The following EBF2 variants were observed in gnomAD, a reference collection of about 807,000 sequenced individuals.
The protein encoded by EBF2 is transcription factor COE2.
In EBF2, 21 loss-of-function variants were observed where a neutral mutation model predicts 72.8. The observed-to-expected ratio is 0.29, with a 90% CI of 0.20 to 0.42. The LOEUF is 0.42. Among genes scored for constraint, EBF2 ranks in the 10% least tolerant of loss-of-function variants. EBF2 has a pLI of 1.00. For missense variants in EBF2, 637 were observed against 731.2 expected (o/e 0.87, Z 1.49); for synonymous variants, 299 against 274.2 (o/e 1.09, Z -0.89).
chr8:26,011,257 T>C (rs1334963100), intron 6 of EBF2, among the ~76,000 whole-genome samples: 1 of 152,240 alleles, frequency 6.6e-6, no homozygotes, highest in Non-Finnish European at 1.5e-5. Context: ...TCATACATGA[T>C]ACGATTTCTT....
At chr8:25,942,801 A>G (rs1024471385) in intron 6 of EBF2, among the ~76,000 whole-genome samples, 3 of 152,152 alleles carry the variant, frequency 2.0e-5, no homozygotes, top group Non-Finnish European at 2.9e-5. Context: ...CTCCCCAGCT[A>G]GGGCCTCCTC....
At chr8:25,855,486 G>A (rs937241776) in intron 14 of EBF2, among the ~76,000 whole-genome samples, 2 of 152,294 alleles carry the variant, frequency 1.3e-5, no homozygotes, top group African/African-American at 4.8e-5. Flanking sequence ...TGGCTGTCAT[G>A]CAAGTCAAAC....
chr8:25,852,888 CTTTT>C (rs886869883), intron 14 of EBF2, among the ~76,000 whole-genome samples: 11 of 151,130 alleles, frequency 7.3e-5, no homozygotes, highest in East Asian at 3.9e-4. Context: ...TGTTTAAAAA[CTTTT>C]TTTAAGTAGT....
At position 25,842,832 on chromosome 8, in the gene EBF2, C is replaced by T. The variant is rs1801763608; in HGVS notation, c.*1777G>A. 1 of 152,144 alleles carries T rather than the reference C, an allele frequency of 6.6e-6. No homozygotes were observed. Among genetic ancestry groups the T allele is most frequent in the Non-Finnish European group, 1.5e-5 (1 of 68,030 alleles). 9.4% of individuals were successfully genotyped at this position (152,144 alleles called of 1,614,324 possible). A position where few individuals can be genotyped will look rare whatever the true frequency, so the allele number is the denominator to read the frequency against. ...AGAAGGTATGCAGAATTAATGAAAT[C>T]ATCTAAAATTGGCTCAGATGCACTC... On this transcript the variant is annotated 3_prime_UTR_variant, in exon 16 of 16. Transcript: ENST00000520164.
intron 6 of EBF2, among the ~76,000 whole-genome samples, chr8:25,931,276 C>A (rs1803475416): frequency 6.6e-6 from 1 of 152,168 alleles, no homozygotes; most frequent in African/African-American, 2.4e-5. Flanking sequence ...TGGGAACAGA[C>A]TCAGTCTGCC....
intron 5 of EBF2, among the ~76,000 whole-genome samples, chr8:26,037,947 A>G (rs192802778): frequency 2.6e-5 from 4 of 152,378 alleles, no homozygotes; most frequent in East Asian, 3.9e-4. Flanking sequence ...GTGCCCAGGT[A>G]TGCCAAATAA....
chr8:26,010,566 G>A (rs185490621), intron 6 of EBF2, among the ~76,000 whole-genome samples: 7 of 152,262 alleles, frequency 4.6e-5, no homozygotes, highest in Non-Finnish European at 7.4e-5. Flanking sequence ...CCAGCGACGC[G>A]CAGCTGAGCA....
intron 6 of EBF2, among the ~76,000 whole-genome samples, chr8:25,929,237 G>T (rs962055414): frequency 8.5e-5 from 13 of 152,270 alleles, no homozygotes; most frequent in Admixed American, 1.3e-4. Context: ...TGAGGTTAAG[G>T]AACTTTCACA....
At chr8:25,956,514 G>A (rs1038294411) in intron 6 of EBF2, among the ~76,000 whole-genome samples, 1 of 152,102 alleles carries the variant, frequency 6.6e-6, no homozygotes, top group Admixed American at 6.5e-5. Context: ...TTTTAGTGTA[G>A]CCATCATCTC....
chr8:26,020,779 CATTATCCAG>C (rs1173878065), intron 6 of EBF2, among the ~76,000 whole-genome samples: 1 of 152,148 alleles, frequency 6.6e-6, no homozygotes, highest in Admixed American at 6.5e-5. Flanking sequence ...CAGTTCTCTA[CATTATCCAG>C]ATACAGGTCT....
chr8:26,003,440 T>C (rs944050205), intron 6 of EBF2, among the ~76,000 whole-genome samples: 4 of 152,292 alleles, frequency 2.6e-5, no homozygotes, highest in African/African-American at 7.2e-5. Flanking sequence ...ATGAAAGTTG[T>C]TTACGATGAC....
intron 6 of EBF2, among the ~76,000 whole-genome samples, chr8:25,915,384 G>C (rs950164040): frequency 3.9e-5 from 6 of 151,998 alleles, no homozygotes; most frequent in African/African-American, 1.4e-4. Flanking sequence ...TTCCTCTTCT[G>C]CTGGAATAAG....
chr8:26,030,308 G>A lies in EBF2; in HGVS notation c.551+2777C>T, dbSNP rs184182213. Among the ~76,000 whole-genome samples the A allele has an allele frequency of 4.0e-5, 6 of 151,770 alleles. No individual in the cohort carries two copies. The South Asian group carries it at 6.3e-4, about 16-fold the overall frequency. ...TATGAGGGAGAACATGCAGTGTTTCGTTTTTTGTCCTTGCGAAAGTTTGCT... is the reference window on the plus strand; with the variant it reads ...TATGAGGGAGAACATGCAGTGTTTCATTTTTTGTCCTTGCGAAAGTTTGCT... On this transcript the variant is annotated intron_variant, in intron 6 of 15. Transcript: ENST00000520164.
In EBF2 at chr8:25,889,846, A is replaced by G. The variant is rs1318340834; in HGVS notation, c.657T>C (p.Asn219=). The G allele has an allele frequency of 1.2e-6, 2 of 1,613,866 alleles. No homozygotes were observed. The highest frequency in any genetic ancestry group is 1.7e-6 in the Non-Finnish European group (2 of 1,179,916). The part of the protein sequence containing the change: ...RFQVVLSTTV[N]VDGHVLAVSD... ...AAACAGCCAGGACGTGTCCATCCAC[A>G]TTCACCGTTGTTGACAACACAACCT... Residue 219 remains asparagine (N), a synonymous_variant, in exon 8 of 16, where the codon AAT becomes AAC. Coordinates refer to ENST00000520164, the MANE Select transcript of EBF2 (RefSeq NM_022659.4).
chr8:25,952,556 A>G lies in EBF2; in HGVS notation c.552-44001T>C, dbSNP rs75870458. Among the ~76,000 whole-genome samples the G allele has an allele frequency of 1.1e-3, 171 of 152,246 alleles. 1 individual carries two copies. In the East Asian group the frequency reaches 0.027, roughly 24 times the overall value. ...GAAGTGGCCAGGCAGTCATTAGGTAAGGAGCTATTACAAATCACTTCACCT... is the reference window on the plus strand; with the variant it reads ...GAAGTGGCCAGGCAGTCATTAGGTAGGGAGCTATTACAAATCACTTCACCT... On this transcript the variant is annotated intron_variant, in intron 6 of 15. Coordinates refer to ENST00000520164, the MANE Select transcript of EBF2 (RefSeq NM_022659.4).
chr8:25,879,807 T>C (rs1802578759), intron 10 of EBF2, among the ~76,000 whole-genome samples: 1 of 152,216 alleles, frequency 6.6e-6, no homozygotes, highest in Admixed American at 6.5e-5. Context: ...TATCCTGCAG[T>C]AGTATCTTAG....
chr8:25,951,686 T>G (rs1298646486), intron 6 of EBF2, among the ~76,000 whole-genome samples: 1 of 152,164 alleles, frequency 6.6e-6, no homozygotes, highest in Non-Finnish European at 1.5e-5. Flanking sequence ...GGGTATATTG[T>G]TAAATTCTAC....
rs1404049491 is a variant in EBF2 at position 26,011,815 on chromosome 8, A to ATTTT, written c.551+21269_551+21270insAAAA. ...GAATTTACTTGAACTTTTTTTTAAA[A>ATTTT]AAAAAAAGCAATGTGTTATCATATT... On this transcript the variant is annotated intron_variant, in intron 6 of 15. Transcript: ENST00000520164. 7.4e-3 allele frequency among the ~76,000 whole-genome samples: 1,095 copies of ATTTT among 148,216 alleles called. 14 individuals are homozygous for ATTTT. The highest frequency in any genetic ancestry group is 0.023 in the African/African-American group (928 of 40,186).
chr8:25,976,465 T>C (rs1804270035), intron 6 of EBF2, among the ~76,000 whole-genome samples: 1 of 152,122 alleles, frequency 6.6e-6, no homozygotes, highest in Non-Finnish European at 1.5e-5. Context: ...CTTAGGAAAA[T>C]GACACAGAGT....
Sources: allele counts gnomAD v4.1 joint callset (sites outside exome capture counted in the v4.1 genomes callset), GRCh38; gene constraint gnomAD v4.1.1; transcripts MANE v1.5; gene names NCBI Gene and HGNC (gene_info 2026-07-23, HGNC 2026-07-21).